PCSK6: variants seen among roughly 807,000 people sequenced by gnomAD.
The protein encoded by PCSK6 is proprotein convertase subtilisin/kexin type 6, also known as paired basic amino acid cleaving enzyme 4.
Under a neutral mutation model 123.3 loss-of-function variants are expected in PCSK6, and 85 were observed. The ratio of observed to expected loss-of-function variants is 0.69; its 90% CI spans 0.58 to 0.83. The LOEUF is 0.83. PCSK6 is among the 40% of genes least tolerant of loss of function. The probability of loss-of-function intolerance (pLI) is 0.00; values close to 1 mark genes in which losing one functional copy is unlikely to be tolerated. For synonymous variants in PCSK6, 508 were observed against 516.0 expected, an observed-to-expected ratio of 0.98 and a Z score of 0.21; for missense variants, 1,191 against 1,282.3, an observed-to-expected ratio of 0.93 and a Z score of 1.09.
chr15:101,414,141 T>C (rs1030062680), intron 6 of PCSK6, among the ~76,000 whole-genome samples: 21 of 152,144 alleles, frequency 1.4e-4, no homozygotes, highest in Non-Finnish European at 3.1e-4. Flanking sequence ...CATGGGGTAA[T>C]ACCTTTTAAA....
chr15:101,377,150 C>T (rs2041770760), intron 11 of PCSK6, among the ~76,000 whole-genome samples: 1 of 152,262 alleles, frequency 6.6e-6, no homozygotes, highest in Non-Finnish European at 1.5e-5. Flanking sequence ...CTCCTGGCCT[C>T]ACCAGCTTGC....
Position 101,459,345 on chromosome 15 carries a change from A to T in PCSK6, c.298-15685T>A, listed in dbSNP as rs897578780. 5.3e-5 allele frequency among the ~76,000 whole-genome samples: 8 copies of T among 152,164 alleles called. No homozygotes were observed. The East Asian group carries it at 1.5e-3, about 29-fold the overall frequency. ...TACTTCCTAGAAACATCCTGGTTGC[A>T]CAATAAATTCTGTGGCCACAGTAAT... On this transcript the variant is annotated intron_variant, in intron 1 of 21. Transcript: ENST00000611716.
intron 13 of PCSK6, among the ~76,000 whole-genome samples, chr15:101,343,667 T>C (rs909934907): frequency 1.3e-5 from 2 of 152,380 alleles, no homozygotes; most frequent in African/African-American, 4.8e-5. Context: ...CTTTTTGATT[T>C]TGATTTCTAA....
chr15:101,437,980 A>G (rs2056649759), intron 2 of PCSK6, among the ~76,000 whole-genome samples: 2 of 152,150 alleles, frequency 1.3e-5, no homozygotes, highest in African/African-American at 2.4e-5. Context: ...CCCTAATCCA[A>G]TCTGGCCAGT....
At chr15:101,438,993 G>A (rs550566962) in intron 2 of PCSK6, among the ~76,000 whole-genome samples, 1 of 152,346 alleles carries the variant, frequency 6.6e-6, no homozygotes, top group African/African-American at 2.4e-5. Context: ...GATCTTAAAG[G>A]CCAGTGGTGG....
chr15:101,431,642 G>T, intron 3 of PCSK6, 179 bp from the exon 4 acceptor site: 1 of 769,036 alleles, frequency 1.3e-6, no homozygotes, highest in Admixed American at 2.1e-5. Context: ...TCATGCAGAC[G>T]GCTCCCTTGC....
intron 8 of PCSK6, among the ~76,000 whole-genome samples, chr15:101,391,723 C>T (rs1377128733): frequency 6.6e-6 from 1 of 152,156 alleles, no homozygotes; most frequent in Admixed American, 6.5e-5. Flanking sequence ...GTCGACTATC[C>T]TGAGCAGCAC....
At chr15:101,369,764 G>A (rs1465702631) in intron 12 of PCSK6, among the ~76,000 whole-genome samples, 2 of 138,990 alleles carry the variant, frequency 1.4e-5, no homozygotes, top group Non-Finnish European at 3.2e-5. Flanking sequence ...AACCATGTGC[G>A]AAGCTTTGGA....
chr15:101,396,414 A>G (rs2042414691), intron 7 of PCSK6, among the ~76,000 whole-genome samples: 1 of 152,164 alleles, frequency 6.6e-6, no homozygotes, highest in Non-Finnish European at 1.5e-5. Context: ...TAGGAGCTCC[A>G]TCTTTGGAAA....
chr15:101,362,215 C>G (rs1017024115), intron 13 of PCSK6, among the ~76,000 whole-genome samples: 1 of 152,154 alleles, frequency 6.6e-6, no homozygotes, highest in Non-Finnish European at 1.5e-5. Context: ...CTCGGCCTCC[C>G]AAAGTGCTGG....
chr15:101,410,026 A>G (rs2042901327), intron 6 of PCSK6, among the ~76,000 whole-genome samples: 2 of 152,168 alleles, frequency 1.3e-5, no homozygotes. Flanking sequence ...TCAAACATCT[A>G]GGCTTAAGAG....
At chr15:101,388,383 C>T (rs1567182689) in intron 9 of PCSK6, among the ~76,000 whole-genome samples, 1 of 152,202 alleles carries the variant, frequency 6.6e-6, no homozygotes, top group Non-Finnish European at 1.5e-5. Flanking sequence ...TCATCTACAA[C>T]AGATGACTAC....
Position 101,305,328 on chromosome 15 carries a change from T to C in PCSK6, c.2840A>G (p.Lys947Arg), listed in dbSNP as rs1409737040. Residue 947 changes from lysine to arginine, a missense_variant, in exon 22 of 22, where the codon AAG (lysine) becomes AGG (arginine). By Grantham distance (26) the Lys-to-Arg change is conservative. Around this residue, in one of 3 missense-constraint regions of PCSK6, gnomAD observed 630 missense variants for 631.4 expected, o/e 1.00. Transcript: ENST00000611716. This position sits in a 1 kb window ranked among gnomAD's most constrained non-coding sequence, Gnocchi z 4.8. ...NADETFCEMVKSNRLCERKLF... is the reference protein window; with the variant it reads ...NADETFCEMVRSNRLCERKLF... The stretch of plus-strand genomic sequence containing the variant: ...CTTCCGTTCGCACAGCCGGTTGGAC[T>C]TCACCATCTCGCAGAATGTCTCGTC... The C allele has an allele frequency of 6.2e-7, 1 of 1,612,772 alleles. No individual in the cohort carries two copies. Among genetic ancestry groups the C allele is most frequent in the Non-Finnish European group, 8.5e-7 (1 of 1,179,794 alleles).
chr15:101,332,029 T>G lies in PCSK6; in HGVS notation c.1861A>C (p.Lys621Gln). The change falls in exon 14 of 22, where the codon AAG becomes CAG. Residue 621 changes from lysine to glutamine, a missense_variant and splice_region_variant. This residue lies in a region of PCSK6 where 630 missense variants were observed against 631.4 expected (regional missense o/e 1.00). Transcript: ENST00000611716. Reference sequence around the variant, plus strand: ...AGTATGAGGCTCCATTCTTTCAACTTCCCTGGAAGGCACCAAACCCACAGA... The same window carrying G: ...AGTATGAGGCTCCATTCTTTCAACTGCCCTGGAAGGCACCAAACCCACAGA... ...SQVRNPEKQG[K>Q]LKEWSLILYG... 1.3e-6 allele frequency: 2 copies of G among 1,587,668 alleles called. No homozygotes were observed. The highest frequency in any genetic ancestry group is 1.7e-6 in the Non-Finnish European group (2 of 1,162,638).
Position 101,305,368 on chromosome 15 carries a change from A to G in PCSK6, c.2813-13T>C, listed in dbSNP as rs2039700105. On this transcript the variant is annotated splice_polypyrimidine_tract_variant and intron_variant, in intron 21 of 21. Coordinates refer to ENST00000611716, the MANE Select transcript of PCSK6 (RefSeq NM_002570.5). The surrounding 1 kb of genome is among the most constrained non-coding windows in gnomAD (Gnocchi z 4.8). ...AATGTCTCGTCAGCTGGGGCCCCGC[A>G]TCAGGAAAGGCAAAAGAGGGAAAGG... The G allele has an allele frequency of 6.2e-7, 1 of 1,608,576 alleles. No homozygotes were observed. The highest frequency in any genetic ancestry group is 8.5e-7 in the Non-Finnish European group (1 of 1,178,266).
chr15:101,419,829 T>C (rs1277100233), intron 6 of PCSK6, among the ~76,000 whole-genome samples: 1 of 151,960 alleles, frequency 6.6e-6, no homozygotes, highest in East Asian at 1.9e-4. Flanking sequence ...AATCACCAAA[T>C]ATTGATTTGG....
chr15:101,376,890 G>A (rs1332582937), intron 11 of PCSK6, among the ~76,000 whole-genome samples: 1 of 152,148 alleles, frequency 6.6e-6, no homozygotes, highest in African/African-American at 2.4e-5. Context: ...AGCCCAAGAG[G>A]AGAAACCAGA....
intron 1 of PCSK6, among the ~76,000 whole-genome samples, chr15:101,468,655 T>C (rs565613734): frequency 1.3e-5 from 2 of 152,182 alleles, no homozygotes; most frequent in African/African-American, 4.8e-5. Flanking sequence ...AAAATGTCCA[T>C]GAAGGAGACA....
intron 6 of PCSK6, among the ~76,000 whole-genome samples, chr15:101,404,185 C>T (rs1048943361): frequency 6.6e-6 from 1 of 152,196 alleles, no homozygotes; most frequent in African/African-American, 2.4e-5. Flanking sequence ...CAAGAGCTCA[C>T]CTCCCTGTGA....
Sources: allele counts gnomAD v4.1 joint callset (sites outside exome capture counted in the v4.1 genomes callset), GRCh38; gene constraint gnomAD v4.1.1; regional missense constraint gnomAD v4.1.1; non-coding constraint Gnocchi (gnomAD v3.1); transcripts MANE v1.5; gene names NCBI Gene and HGNC (gene_info 2026-07-23, HGNC 2026-07-21).